The following CNTNAP2 variants were observed in gnomAD, a reference collection of about 807,000 sequenced individuals.
CNTNAP2 encodes the protein contactin-associated protein-like 2.
A neutral mutation model predicts 155.2 loss-of-function variants in CNTNAP2; 98 were observed. The observed-to-expected ratio is 0.63, with a 90% CI of 0.54 to 0.75. CNTNAP2 has a LOEUF of 0.75. Among genes scored for constraint, CNTNAP2 ranks in the 30% least tolerant of loss-of-function variants. The pLI is 0.00. For missense variants in CNTNAP2, 1,727 were observed against 1,688.1 expected (o/e 1.02, Z -0.40); for synonymous variants, 651 against 631.2 (o/e 1.03, Z -0.47).
At chr7:147,190,221 GA>G (rs1171530037) in intron 8 of CNTNAP2, among the ~76,000 whole-genome samples, 4 of 152,084 alleles carry the variant, frequency 2.6e-5, no homozygotes, top group Admixed American at 6.5e-5. Flanking sequence ...AGAAAAACAA[GA>G]GGCCGAATTC....
intron 8 of CNTNAP2, among the ~76,000 whole-genome samples, chr7:147,224,553 A>G (rs1235632622): frequency 6.6e-6 from 1 of 152,184 alleles, no homozygotes; most frequent in Non-Finnish European, 1.5e-5. Context: ...AAATAATCCA[A>G]TAATTATTTT....
chr7:147,327,511 A>C (rs1458707288), intron 9 of CNTNAP2, among the ~76,000 whole-genome samples: 5 of 152,248 alleles, frequency 3.3e-5, no homozygotes, highest in Admixed American at 3.3e-4. Flanking sequence ...ATCTTACGTT[A>C]AAATTTAATG....
chr7:147,770,274 GT>G (rs1180863752), intron 13 of CNTNAP2, among the ~76,000 whole-genome samples: 2 of 152,010 alleles, frequency 1.3e-5, no homozygotes, highest in Admixed American at 6.6e-5. Context: ...TAGTGTTGTT[GT>G]TTTTTTAAAA....
chr7:146,834,081 A>T (rs1260306855), intron 2 of CNTNAP2, among the ~76,000 whole-genome samples: 3 of 151,018 alleles, frequency 2.0e-5, no homozygotes, highest in Non-Finnish European at 4.4e-5. Flanking sequence ...CCCTAATTGA[A>T]TTTTTTTTTC....
chr7:147,878,830 G>A (rs1799470248), intron 13 of CNTNAP2, among the ~76,000 whole-genome samples: 1 of 152,120 alleles, frequency 6.6e-6, no homozygotes, highest in Non-Finnish European at 1.5e-5. Flanking sequence ...TTACCAAACT[G>A]AAGCTTCTGG....
At chr7:147,143,422 T>C (rs1045537326) in intron 8 of CNTNAP2, among the ~76,000 whole-genome samples, 2 of 152,202 alleles carry the variant, frequency 1.3e-5, no homozygotes, top group South Asian at 2.1e-4. Context: ...TGATTTATTA[T>C]ATTGTTAAGA....
At position 148,172,272 on chromosome 7, in the gene CNTNAP2, G is replaced by A; in HGVS notation, c.2804G>A (p.Gly935Asp). 6.2e-7 allele frequency: 1 copy of A among 1,614,068 alleles called. No individual in the cohort carries two copies. Among genetic ancestry groups the A allele is most frequent in the Non-Finnish European group, 8.5e-7 (1 of 1,180,012 alleles). The change falls in exon 18 of 24, where the codon GGC becomes GAC. Residue 935 changes from glycine (G) to aspartate (D), a missense_variant. By Grantham distance (94) the Gly-to-Asp change is moderately conservative. Coordinates refer to ENST00000361727, the MANE Select transcript of CNTNAP2 (RefSeq NM_014141.6). ...GCTGGGGGCCAGCAGGGCTTCCTGG[G>A]CTGCATCCGCTCCTTGAGGATGAAT... The part of the protein sequence containing the change: ...GGAGGQQGFL[G>D]CIRSLRMNGV...
At chr7:147,974,058 C>CT (rs1801383360) in intron 14 of CNTNAP2, among the ~76,000 whole-genome samples, 1 of 149,286 alleles carries the variant, frequency 6.7e-6, no homozygotes, top group Admixed American at 6.6e-5. Context: ...GTAATGCCTG[C>CT]TTTTAGTATT....
intron 1 of CNTNAP2, among the ~76,000 whole-genome samples, chr7:146,205,741 A>T (rs1399675749): frequency 6.6e-6 from 1 of 151,948 alleles, no homozygotes; most frequent in Non-Finnish European, 1.5e-5. Flanking sequence ...AATTATTAAA[A>T]GTCTAACATA....
At chr7:148,366,068 G>A (rs13309663) in intron 21 of CNTNAP2, among the ~76,000 whole-genome samples, 10 of 542 alleles carry the variant, frequency 0.018, 5 homozygotes, top group East Asian at 1. Context: ...ATGCATGTAT[G>A]CATGTATGTG....
chr7:146,451,851 TA>T (rs1277367503), intron 1 of CNTNAP2, among the ~76,000 whole-genome samples: 1 of 56,996 alleles, frequency 1.8e-5, no homozygotes, highest in Admixed American at 2.2e-4. Flanking sequence ...TATATACACG[TA>T]TTCTATATAT....
chr7:147,697,898 C>T (rs1208979983), intron 13 of CNTNAP2, among the ~76,000 whole-genome samples: 2 of 152,186 alleles, frequency 1.3e-5, no homozygotes, highest in African/African-American at 4.8e-5. Flanking sequence ...GAGAAGCTGG[C>T]AGACTCCTGG....
chr7:146,814,068 C>G (rs890388892), intron 2 of CNTNAP2, among the ~76,000 whole-genome samples: 18 of 152,082 alleles, frequency 1.2e-4, no homozygotes, highest in Non-Finnish European at 1.8e-4. Flanking sequence ...TATTAATTAC[C>G]CAGTCTCAGG....
intron 6 of CNTNAP2, among the ~76,000 whole-genome samples, chr7:147,126,506 T>C (rs1801241955): frequency 6.6e-6 from 1 of 152,168 alleles, no homozygotes; most frequent in African/African-American, 2.4e-5. Context: ...GGACTCTTTC[T>C]CTGTATGCCC....
chr7:146,638,336 A>G lies in CNTNAP2; in HGVS notation c.98-135935A>G, dbSNP rs1799634013. On this transcript the variant is annotated intron_variant, in intron 1 of 23. Coordinates refer to ENST00000361727, the MANE Select transcript of CNTNAP2 (RefSeq NM_014141.6). The stretch of plus-strand genomic sequence containing the variant: ...GTTTGTTGGACAAAGTAGGCGGGAT[A>G]TGAAGGCAGCTCTTATACACATACT... 3.3e-5 allele frequency among the ~76,000 whole-genome samples: 5 copies of G among 152,226 alleles called. No homozygotes were observed. In the South Asian group the frequency reaches 1.0e-3, roughly 32 times the overall value.
intron 1 of CNTNAP2, among the ~76,000 whole-genome samples, chr7:146,213,281 G>A (rs950761963): frequency 6.6e-6 from 1 of 152,106 alleles, no homozygotes; most frequent in Non-Finnish European, 1.5e-5. Context: ...TGCTTCTATG[G>A]TAGCCATAAA....
At chr7:148,279,648 T>C (rs1796937969) in intron 21 of CNTNAP2, among the ~76,000 whole-genome samples, 1 of 152,094 alleles carries the variant, frequency 6.6e-6, no homozygotes, top group African/African-American at 2.4e-5. Flanking sequence ...ATCTCCCATC[T>C]CCTCCTCAGG....
At chr7:146,199,950 A>G (rs1798833704) in intron 1 of CNTNAP2, among the ~76,000 whole-genome samples, 2 of 152,182 alleles carry the variant, frequency 1.3e-5, no homozygotes. Context: ...AAACTAATCC[A>G]AAAAGTTTCA....
chr7:147,088,786 A>T (rs1023487871), intron 4 of CNTNAP2, among the ~76,000 whole-genome samples: 2 of 152,092 alleles, frequency 1.3e-5, no homozygotes, highest in African/African-American at 4.8e-5. Flanking sequence ...CTACACAAAA[A>T]TACAAAAATT....
Sources: gnomAD v4.1 joint callset for allele counts (sites outside exome capture counted in the v4.1 genomes callset) on GRCh38, gnomAD v4.1.1 for gene constraint, MANE v1.5 for transcripts, NCBI Gene and HGNC (gene_info 2026-07-23, HGNC 2026-07-21) for gene names.